The following NRXN3 variants were observed in gnomAD, a reference collection of about 807,000 sequenced individuals.
NRXN3 encodes neurexin III.
Under a neutral mutation model 137.6 loss-of-function variants are expected in NRXN3, and 32 were observed. The observed-to-expected ratio is 0.23, with a 90% CI of 0.18 to 0.31. The LOEUF is 0.31. NRXN3 is among the 10% of genes least tolerant of loss of function. The pLI, the probability that NRXN3 is intolerant of heterozygous loss-of-function variation, is 1.00. For missense variants in NRXN3, 1,574 were observed against 2,062.5 expected (o/e 0.76, Z 4.59); for synonymous variants, 798 against 784.5 (o/e 1.02, Z -0.29).
chr14:78,410,058 G>A (rs1336054012), intron 4 of NRXN3, among the ~76,000 whole-genome samples: 1 of 152,158 alleles, frequency 6.6e-6, no homozygotes, highest in Non-Finnish European at 1.5e-5. Context: ...CTGTCTAGGG[G>A]GAGATATAAC....
chr14:78,507,139 G>A (rs1241765417), intron 4 of NRXN3, among the ~76,000 whole-genome samples: 3 of 152,116 alleles, frequency 2.0e-5, no homozygotes, highest in South Asian at 2.1e-4. Flanking sequence ...CTCAAATAAC[G>A]GGACACTCGT....
At chr14:78,376,275 C>T (rs2087823807) in intron 4 of NRXN3, among the ~76,000 whole-genome samples, 2 of 152,196 alleles carry the variant, frequency 1.3e-5, no homozygotes, top group Admixed American at 1.3e-4. Flanking sequence ...CCCACTGTGG[C>T]ATACCCCATC....
chr14:78,278,709 T>A, intron 3 of NRXN3, 47 bp downstream of exon 3: 1 of 1,500,716 alleles, frequency 6.7e-7, no homozygotes, highest in Non-Finnish European at 9.0e-7. Flanking sequence ...TCCCCTCTGC[T>A]AGATTGTGCA....
At chr14:78,239,235 T>A (rs1160819781) in intron 1 of NRXN3, among the ~76,000 whole-genome samples, 1 of 152,250 alleles carries the variant, frequency 6.6e-6, no homozygotes, top group Admixed American at 6.5e-5. Context: ...GAGCCCCCCA[T>A]CAGCAATCTG....
rs75117905 is a variant in NRXN3, at chr14:79,549,860, G to A, written c.3444+82458G>A. On this transcript the variant is annotated intron_variant, in intron 16 of 20. Coordinates refer to ENST00000335750, the MANE Select transcript of NRXN3 (RefSeq NM_001330195.2). Reference sequence around the variant, plus strand: ...GGCTCTGCGGTTGATTGTCTGAGACGGATCTGCTTGCAAAGAGGCTGATTT... The same window carrying A: ...GGCTCTGCGGTTGATTGTCTGAGACAGATCTGCTTGCAAAGAGGCTGATTT... 0.015 allele frequency among the ~76,000 whole-genome samples: 2,288 copies of A among 152,140 alleles called. 164 individuals are homozygous for A. In the East Asian group the frequency reaches 0.24, roughly 16 times the overall value.
chr14:78,401,992 TA>T (rs1157739518), intron 4 of NRXN3, among the ~76,000 whole-genome samples: 1 of 152,206 alleles, frequency 6.6e-6, no homozygotes, highest in Non-Finnish European at 1.5e-5. Flanking sequence ...TTGCATGCTT[TA>T]AAATGGTGTT....
intron 15 of NRXN3, among the ~76,000 whole-genome samples, chr14:79,058,041 T>C (rs937919777): frequency 6.6e-6 from 1 of 152,124 alleles, no homozygotes; most frequent in Non-Finnish European, 1.5e-5. Context: ...ATATGAATCT[T>C]TGGATGTAAC....
chr14:78,731,335 T>A (rs572971312), intron 8 of NRXN3, among the ~76,000 whole-genome samples: 18 of 152,198 alleles, frequency 1.2e-4, no homozygotes, highest in African/African-American at 4.3e-4. Flanking sequence ...ATTATGAATC[T>A]CCATTTAAAA....
chr14:78,410,361 C>A (rs6574441), intron 4 of NRXN3, among the ~76,000 whole-genome samples: 7 of 152,008 alleles, frequency 4.6e-5, no homozygotes, highest in African/African-American at 9.7e-5. Context: ...TCTATAATAC[C>A]TATGTTTCCT....
chr14:78,321,019 G>A (rs2079281642), intron 4 of NRXN3, among the ~76,000 whole-genome samples: 1 of 151,050 alleles, frequency 6.6e-6, no homozygotes, highest in African/African-American at 2.5e-5. Flanking sequence ...AGGAGGCTGA[G>A]GCACGAGAAT....
chr14:79,736,238 T>C (rs2098941356), intron 19 of NRXN3, among the ~76,000 whole-genome samples: 1 of 152,200 alleles, frequency 6.6e-6, no homozygotes, highest in Non-Finnish European at 1.5e-5. Context: ...TTTTACTCTC[T>C]CTTCTGAATA....
rs756164591 is a variant in NRXN3 at position 78,243,346 on chromosome 14, G to A, written c.253G>A (p.Val85Ile). 15 of 1,560,418 alleles carry A rather than the reference G, an allele frequency of 9.6e-6. No individual in the cohort carries two copies. The highest frequency in any genetic ancestry group is 7.0e-5 in the East Asian group (3 of 42,808). ...ATGCCTCTCCCTGGTGGATGGCCGC[G>A]TTCAGCTCCGCTTCAGCATGGACTG... ...FLCLSLVDGR[V>I]QLRFSMDCAE... Residue 85 changes from valine (V) to isoleucine (I), a missense_variant, in exon 2 of 21, where the codon GTT (valine) becomes ATT (isoleucine). Transcript: ENST00000335750. This position sits in a 1 kb window ranked among gnomAD's most constrained non-coding sequence, Gnocchi z 4.2.
intron 4 of NRXN3, among the ~76,000 whole-genome samples, chr14:78,600,326 T>C (rs146859873): frequency 1.3e-5 from 2 of 152,322 alleles, no homozygotes; most frequent in East Asian, 3.9e-4. Flanking sequence ...CTTATAGATA[T>C]GTATCTTACA....
At chr14:78,603,936 G>A (rs1437718231) in intron 4 of NRXN3, among the ~76,000 whole-genome samples, 1 of 152,152 alleles carries the variant, frequency 6.6e-6, no homozygotes, top group Non-Finnish European at 1.5e-5. Context: ...TTCTTATGCT[G>A]CTAATAAAGA....
chr14:79,333,097 G>C (rs961325552), intron 15 of NRXN3, among the ~76,000 whole-genome samples: 3 of 152,090 alleles, frequency 2.0e-5, no homozygotes, highest in Admixed American at 2.0e-4. Context: ...CTAAAGGGGA[G>C]CAATTGAAAG....
At chr14:78,415,753 T>G (rs1022095838) in intron 4 of NRXN3, among the ~76,000 whole-genome samples, 2 of 152,022 alleles carry the variant, frequency 1.3e-5, no homozygotes, top group African/African-American at 4.8e-5. Context: ...TTTGATGAAG[T>G]CATGACATTG....
chr14:79,798,731 T>C (rs2099168176), intron 19 of NRXN3, among the ~76,000 whole-genome samples: 1 of 152,170 alleles, frequency 6.6e-6, no homozygotes, highest in Non-Finnish European at 1.5e-5. Flanking sequence ...GAATTTGAAG[T>C]TACAAAAGGC....
At chr14:79,852,345 G>T (rs2099393579) in intron 20 of NRXN3, among the ~76,000 whole-genome samples, 1 of 150,438 alleles carries the variant, frequency 6.6e-6, no homozygotes, top group South Asian at 2.1e-4. Flanking sequence ...TACTGGAAAG[G>T]CATGAAACAA....
chr14:79,805,219 CTTTCTTT>C, intron 20 of NRXN3, 29 bp downstream of exon 20: 5 of 1,590,496 alleles, frequency 3.1e-6, no homozygotes, highest in Non-Finnish European at 4.3e-6. Context: ...ATTTTGCTTG[CTTTCTTT>C]TTTCTTTTGC....
Sources: gnomAD v4.1 joint callset for allele counts (sites outside exome capture counted in the v4.1 genomes callset) on GRCh38, gnomAD v4.1.1 for gene constraint, Gnocchi (gnomAD v3.1) non-coding constraint, MANE v1.5 for transcripts, NCBI Gene and HGNC (gene_info 2026-07-23, HGNC 2026-07-21) for gene names.